UACA: variants seen among roughly 807,000 people sequenced by gnomAD.
The protein encoded by UACA is nuclear membrane binding protein.
UACA carries 112 observed loss-of-function variants against 160.5 expected under a neutral mutation model. That is an observed-to-expected ratio of 0.70 (90% CI 0.60 to 0.82). UACA has a LOEUF of 0.82. UACA is among the 40% of genes least tolerant of loss of function. UACA has a pLI of 0.00. For missense variants in UACA, 1,574 were observed against 1,614.6 expected, an observed-to-expected ratio of 0.97 and a Z score of 0.43; for synonymous variants, 557 against 568.4, an observed-to-expected ratio of 0.98 and a Z score of 0.29.
At chr15:70,724,919 CAAAAAAA>C (rs747331527) in intron 1 of UACA, among the ~76,000 whole-genome samples, 3 of 88,740 alleles carry the variant, frequency 3.4e-5, no homozygotes, top group Non-Finnish European at 4.9e-5. Flanking sequence ...TCTGTCTCTA[CAAAAAAA>C]AAAAAAAAAA....
intron 1 of UACA, among the ~76,000 whole-genome samples, chr15:70,707,260 C>T (rs970943218): frequency 1.3e-5 from 2 of 152,120 alleles, no homozygotes; most frequent in East Asian, 3.8e-4. Context: ...CTTTATCTTA[C>T]ATCAGATGCA....
intron 1 of UACA, among the ~76,000 whole-genome samples, chr15:70,707,685 A>G (rs1022412986): frequency 3.3e-5 from 5 of 152,180 alleles, no homozygotes; most frequent in Middle Eastern, 3.2e-3. Context: ...GTCACTAATC[A>G]TTAAAAAAAA....
rs958891501 is a variant in UACA at position 70,654,963 on chromosome 15, A to G, written c.*2093T>C. On this transcript the variant is annotated 3_prime_UTR_variant, in exon 19 of 19. Coordinates refer to ENST00000322954, the MANE Select transcript of UACA (RefSeq NM_018003.4). ...CAAGATTAGTTGAAGGAAGTACTTG[A>G]TATTTTACTCCAGATAGCTGAATGA... 8 of 152,374 alleles carry G rather than the reference A, an allele frequency of 5.3e-5. No homozygotes were observed. The highest frequency in any genetic ancestry group is 1.9e-4 in the African/African-American group (8 of 41,588). The allele number at this position is 152,374 out of a possible 1,614,324, so 9.4% of individuals were successfully genotyped here.
At position 70,655,812 on chromosome 15, in the gene UACA, AT is replaced by A. The variant is rs1291574853; in HGVS notation, c.*1243del. ...AAAATCTGGTTCGGGATGTTCAAAGATAATTGCTAAGGCAAATTTTGCAATT... is the reference window on the plus strand; with the variant it reads ...AAAATCTGGTTCGGGATGTTCAAAGAAATTGCTAAGGCAAATTTTGCAATT... On this transcript the variant is annotated 3_prime_UTR_variant, in exon 19 of 19. Transcript: ENST00000322954. 1 of 152,242 alleles carries A rather than the reference AT, an allele frequency of 6.6e-6. No individual in the cohort carries two copies. The highest frequency in any genetic ancestry group is 1.5e-5 in the Non-Finnish European group (1 of 68,044). The allele number at this position is 152,242 out of a possible 1,614,324, so 9.4% of individuals were successfully genotyped here. A position where few individuals can be genotyped will look rare whatever the true frequency, so the allele number is the denominator to read the frequency against.
At chr15:70,765,947 C>T (rs1321897710), upstream of UACA, among the ~76,000 whole-genome samples, 3 of 152,234 alleles carry the variant, frequency 2.0e-5, no homozygotes, top group Non-Finnish European at 1.5e-5. Context: ...TTATGTTGTA[C>T]TGGTTGTCTC....
chr15:70,724,978 G>A (rs1332477601), intron 1 of UACA, among the ~76,000 whole-genome samples: 2 of 151,640 alleles, frequency 1.3e-5, no homozygotes, highest in Non-Finnish European at 2.9e-5. Flanking sequence ...TGTAGTCCTA[G>A]CTACACCAGA....
At chr15:70,773,677 C>A in the UACA span, among the ~76,000 whole-genome samples, 1 of 152,148 alleles carries the variant, frequency 6.6e-6, no homozygotes, top group Non-Finnish European at 1.5e-5. Context: ...TCCCAACTGG[C>A]CTGCTTCTAT....
intron 1 of UACA, among the ~76,000 whole-genome samples, chr15:70,756,913 G>A (rs1178021771): frequency 2.6e-5 from 4 of 152,122 alleles, no homozygotes; most frequent in East Asian, 1.9e-4. Context: ...TATAAACACA[G>A]CCACATTACT....
At chr15:70,777,580 GT>G in the UACA span, among the ~76,000 whole-genome samples, 18 of 152,208 alleles carry the variant, frequency 1.2e-4, no homozygotes, top group African/African-American at 4.3e-4. Context: ...TGGAAACCAA[GT>G]AAAGTATATC....
upstream of UACA, among the ~76,000 whole-genome samples, chr15:70,767,111 G>A (rs1163681741): frequency 3.3e-5 from 5 of 151,302 alleles, no homozygotes; most frequent in Non-Finnish European, 7.4e-5. Flanking sequence ...GTGGTGGCAG[G>A]CACCTGTAGT....
At position 70,667,755 on chromosome 15, in the gene UACA, T is replaced by C. The variant is rs777545622; in HGVS notation, c.2929A>G (p.Ile977Val). 4 of 1,613,978 alleles carry C rather than the reference T, an allele frequency of 2.5e-6. No homozygotes were observed. The highest frequency in any genetic ancestry group is 3.4e-6 in the Non-Finnish European group (4 of 1,180,000). ...IKAQKKELDT[I>V]QECIKVKYAP... ...TATTTTACCTTAATGCATTCTTGTA[T>C]TGTGTCGAGCTCCTTCTTCTGGGCT... is the stretch of plus-strand genomic sequence containing the variant. Residue 977 changes from isoleucine (I) to valine (V), a missense_variant, in exon 16 of 19, where the codon ATA becomes GTA. Transcript: ENST00000322954.
chr15:70,657,162 T>A lies in UACA; in HGVS notation c.4180-35A>T, dbSNP rs74021813. On this transcript the variant is annotated intron_variant, in intron 18 of 18. Transcript: ENST00000322954. ...AAGAAGAAAGAGGAGCATTATTTTA[T>A]GTCATCTTTGTTTACATAAGAATTC... 3.1e-3 allele frequency: 4,776 copies of A among 1,543,152 alleles called. 109 individuals carry two copies. The African/African-American group carries it at 0.051, about 17-fold the overall frequency.
chr15:70,700,299 T>TTGTATATATATATATATATATATATA (rs200862051), intron 1 of UACA, among the ~76,000 whole-genome samples: 1,612 of 112,636 alleles, frequency 0.014, 8 homozygotes, highest in South Asian at 0.046. Context: ...TGGAGGCAAA[T>TTGTATATATATATATATATATATATA]TGTATATATA....
At position 70,763,374 on chromosome 15, in the gene UACA, C is replaced by A; in HGVS notation, c.34G>T (p.Asp12Tyr). The A allele has an allele frequency of 2.2e-6, 3 of 1,334,412 alleles. No homozygotes were observed. The South Asian group carries it at 6.0e-5, about 27-fold the overall frequency. The allele number at this position is 1,334,412 out of a possible 1,614,324, so 82.7% of individuals were successfully genotyped here. ...KSLKSRLRRQDVPGPASSGAA... is the reference protein window; with the variant it reads ...KSLKSRLRRQYVPGPASSGAA... ...CCAGACGACGCGGGGCCGGGCACGT[C>A]CTGCCTCCTCAGGCGGGACTTGAGG... Residue 12 changes from aspartate to tyrosine, a missense_variant, in exon 1 of 19, where the codon GAC becomes TAC. Physicochemically the swap from Asp to Tyr is radical, Grantham distance 160. Transcript: ENST00000322954.
intron 1 of UACA, chr15:70,754,074 G>A (rs1382332898): frequency 2.2e-6 from 1 of 454,804 alleles, no homozygotes; most frequent in African/African-American, 2.0e-5. Flanking sequence ...CCAAAGTGTT[G>A]GGATTACAGG....
chr15:70,672,114 T>C (rs1345375922), intron 13 of UACA, 113 bp from the exon 14 acceptor site: 3 of 865,348 alleles, frequency 3.5e-6, no homozygotes, highest in African/African-American at 1.7e-5. Flanking sequence ...TTTGACATTC[T>C]TGTTTCTCCA....
chr15:70,669,518 A>C, intron 15 of UACA, 56 bp from the exon 16 acceptor site: 2 of 1,373,290 alleles, frequency 1.5e-6, no homozygotes, highest in Non-Finnish European at 2.0e-6. Context: ...GACATTTACT[A>C]TACTTATTTG....
chr15:70,662,204 T>C (rs1896732950), intron 17 of UACA, among the ~76,000 whole-genome samples: 1 of 152,108 alleles, frequency 6.6e-6, no homozygotes, highest in African/African-American at 2.4e-5. Context: ...ACAAGCATTC[T>C]TATACACCAA....
chr15:70,662,551 C>T (rs1423494017), intron 17 of UACA, among the ~76,000 whole-genome samples: 1 of 152,128 alleles, frequency 6.6e-6, no homozygotes, highest in African/African-American at 2.4e-5. Flanking sequence ...CCTGCATCGC[C>T]AAGTCAATCC....
Sources: allele counts gnomAD v4.1 joint callset (sites outside exome capture counted in the v4.1 genomes callset), GRCh38; gene constraint gnomAD v4.1.1; transcripts MANE v1.5; gene names NCBI Gene and HGNC (gene_info 2026-07-23, HGNC 2026-07-21).